CCDC171: variants seen among roughly 807,000 people sequenced by gnomAD.
CCDC171 encodes the protein coiled-coil domain-containing protein 171.
A neutral mutation model predicts 168.2 loss-of-function variants in CCDC171; 177 were observed. The ratio of observed to expected loss-of-function variants is 1.05; its 90% confidence interval spans 0.93 to 1.19. The LOEUF (loss-of-function observed/expected upper bound fraction) is 1.19. CCDC171 is among the 50% of genes most tolerant of loss of function. The pLI, the probability that CCDC171 is intolerant of heterozygous loss-of-function variation, is 0.00. For synonymous variants in CCDC171, 687 were observed against 540.8 expected, an observed-to-expected ratio of 1.27 and a Z score of -3.75; for missense variants, 1,991 against 1,539.0, an observed-to-expected ratio of 1.29 and a Z score of -4.91.
intron 1 of CCDC171, among the ~76,000 whole-genome samples, chr9:16,045,127 C>G (rs2026661): frequency 0.37 from 56,965 of 152,060 alleles, 13,374 homozygotes; most frequent in East Asian, 0.74. Context: ...TTCCACCTTA[C>G]TCAGACCAGA....
In CCDC171 at chr9:15,819,261, G is replaced by A. The variant is rs1205533521; in HGVS notation, c.3268-27441G>A. 9.3e-5 allele frequency among the ~76,000 whole-genome samples: 11 copies of A among 117,856 alleles called. 4 individuals carry two copies. Among genetic ancestry groups the A allele is most frequent in the African/African-American group, 2.2e-4 (7 of 31,404 alleles). 77.3% of individuals were successfully genotyped at this position (117,856 alleles called of 152,430 possible). A position where few individuals can be genotyped will look rare whatever the true frequency, so the allele number is the denominator to read the frequency against. On this transcript the variant is annotated intron_variant, in intron 21 of 25. Coordinates refer to ENST00000380701, the MANE Select transcript of CCDC171 (RefSeq NM_173550.4). ...AACATGCCAAATTGTAAAGACCATC[G>A]AGGCTAGGAAGAAACTGCATCAACT... is the stretch of plus-strand genomic sequence containing the variant.
chr9:15,634,668 A>C (rs1049647136), intron 7 of CCDC171, among the ~76,000 whole-genome samples: 1 of 152,210 alleles, frequency 6.6e-6, no homozygotes, highest in Non-Finnish European at 1.5e-5. Flanking sequence ...TTTGCATATT[A>C]TAAATTTGTC....
chr9:16,005,033 A>G (rs1300971584), intron 3 of CCDC171, among the ~76,000 whole-genome samples: 5 of 152,218 alleles, frequency 3.3e-5, no homozygotes, highest in Admixed American at 3.3e-4. Context: ...TAATCATGTA[A>G]CATATAATTC....
chr9:15,724,954 A>G lies in CCDC171; in HGVS notation c.1670A>G (p.Gln557Arg). Residue 557 changes from glutamine to arginine, a missense_variant, in exon 14 of 26, where the codon CAG (glutamine) becomes CGG (arginine). Transcript: ENST00000380701. ...QSESELQKLS[Q>R]AFHKDAEEKL... The stretch of plus-strand genomic sequence containing the variant: ...GAAAGTGAACTGCAGAAGCTTTCCC[A>G]GGCTTTCCATAAGGATGCAGAGGTA... The G allele has an allele frequency of 6.2e-7, 1 of 1,613,894 alleles. No individual in the cohort carries two copies. The highest frequency in any genetic ancestry group is 8.5e-7 in the Non-Finnish European group (1 of 1,179,822).
At chr9:15,706,168 T>G (rs2052205969) in intron 11 of CCDC171, among the ~76,000 whole-genome samples, 1 of 152,196 alleles carries the variant, frequency 6.6e-6, no homozygotes, top group African/African-American at 2.4e-5. Flanking sequence ...GAAATTCTTA[T>G]AGTAGGATGT....
intron 18 of CCDC171, among the ~76,000 whole-genome samples, chr9:15,751,313 A>G (rs186460542): frequency 1.3e-5 from 2 of 152,344 alleles, no homozygotes; most frequent in African/African-American, 2.4e-5. Flanking sequence ...ATGCTCATGG[A>G]TAGGAAGAAT....
chr9:15,681,060 TC>T (rs1441415569), intron 10 of CCDC171, among the ~76,000 whole-genome samples: 2 of 152,146 alleles, frequency 1.3e-5, no homozygotes, highest in Non-Finnish European at 1.5e-5. Context: ...GATTTTTTTT[TC>T]TAAAACATTT....
intron 3 of CCDC171, among the ~76,000 whole-genome samples, chr9:15,982,332 A>T (rs556629931): frequency 6.6e-6 from 1 of 152,184 alleles, no homozygotes; most frequent in African/African-American, 2.4e-5. Context: ...TCCTTAGGCA[A>T]GTTATTTAAC....
At chr9:15,728,534 A>G (rs939972735) in intron 15 of CCDC171, among the ~76,000 whole-genome samples, 2 of 152,204 alleles carry the variant, frequency 1.3e-5, no homozygotes, top group Non-Finnish European at 2.9e-5. Context: ...AACAAAATGT[A>G]TATTAGAAAA....
chr9:15,837,413 G>A (rs1197814452), intron 21 of CCDC171, among the ~76,000 whole-genome samples: 1 of 152,122 alleles, frequency 6.6e-6, no homozygotes, highest in Non-Finnish European at 1.5e-5. Context: ...TATTTACTGA[G>A]TATGTATATA....
In CCDC171 at chr9:15,904,542, C is replaced by A. The variant is rs564289175; in HGVS notation, c.3601-15728C>A. Among the ~76,000 whole-genome samples the A allele has an allele frequency of 5.3e-3, 812 of 152,038 alleles. 13 individuals carry two copies. Among genetic ancestry groups the A allele is most frequent in the African/African-American group, 0.019 (788 of 41,444 alleles). On this transcript the variant is annotated intron_variant, in intron 24 of 25. Transcript: ENST00000380701. ...AGGAAGCACTAAACATGGAAAGGGA[C>A]AACCAGTACCAGCCACTGCAAAAAC...
rs1195557065 is a variant in CCDC171 at position 16,054,492 on chromosome 9, T to TTTG, written n.90-6142_90-6140dup. Reference sequence around the variant, plus strand: ...AGGCATAGCGAGTCCCATAAGCACCTTTGTTGTTGTTGTTCTCTAAAGATC... The same window carrying TTTG: ...AGGCATAGCGAGTCCCATAAGCACCTTTGTTGTTGTTGTTGTTCTCTAAAGATC... On this transcript the variant is annotated intron_variant and non_coding_transcript_variant, in intron 1 of 1. Transcript: ENST00000478913. Among the ~76,000 whole-genome samples the TTTG allele has an allele frequency of 2.6e-5, 4 of 152,084 alleles. No homozygotes were observed. The East Asian group carries it at 7.8e-4, about 30-fold the overall frequency.
chr9:15,960,073 G>T (rs548447865), intron 25 of CCDC171, among the ~76,000 whole-genome samples: 7 of 152,292 alleles, frequency 4.6e-5, no homozygotes, highest in African/African-American at 1.7e-4. Context: ...GCTTGTATGA[G>T]CAGGACAGGG....
At chr9:15,714,255 G>A (rs557506883) in intron 11 of CCDC171, among the ~76,000 whole-genome samples, 1 of 152,176 alleles carries the variant, frequency 6.6e-6, no homozygotes, top group East Asian at 1.9e-4. Flanking sequence ...GTTTTGGTAG[G>A]TAAAAGTTCC....
intron 3 of CCDC171, among the ~76,000 whole-genome samples, chr9:15,996,542 A>G (rs1589309046): frequency 6.7e-6 from 1 of 149,594 alleles, no homozygotes; most frequent in South Asian, 2.1e-4. Context: ...TTGTGGCATC[A>G]TGTCGGCACT....
chr9:15,639,949 C>G (rs906588688), intron 7 of CCDC171, among the ~76,000 whole-genome samples: 1 of 152,106 alleles, frequency 6.6e-6, no homozygotes, highest in Admixed American at 6.6e-5. Context: ...TTTGCTTACT[C>G]CTAATGGAAA....
chr9:16,036,429 G>T (rs1026368502), intron 8 of CCDC171, among the ~76,000 whole-genome samples: 4 of 152,174 alleles, frequency 2.6e-5, no homozygotes, highest in Non-Finnish European at 4.4e-5. Context: ...CGGATCTCGA[G>T]GTCAGGAGAT....
chr9:15,974,448 A>G (rs1037454872), downstream of CCDC171, among the ~76,000 whole-genome samples: 1 of 152,192 alleles, frequency 6.6e-6, no homozygotes, highest in Non-Finnish European at 1.5e-5. Context: ...TCTCAGGATA[A>G]TGACTTCAAA....
chr9:15,841,924 T>C (rs2060697463), intron 21 of CCDC171, among the ~76,000 whole-genome samples: 1 of 152,032 alleles, frequency 6.6e-6, no homozygotes, highest in African/African-American at 2.4e-5. Flanking sequence ...TATAATTTTT[T>C]AGTTGTTACA....
Sources: allele counts gnomAD v4.1 joint callset (sites outside exome capture counted in the v4.1 genomes callset), GRCh38; gene constraint gnomAD v4.1.1; transcripts MANE v1.5; gene names NCBI Gene and HGNC (gene_info 2026-07-23, HGNC 2026-07-21).